Variants in PDILT observed in about 807,000 individuals in gnomAD.
PDILT encodes the protein protein disulfide isomerase like, testis expressed, also known as protein disulfide-isomerase-like protein of the testis.
A neutral mutation model predicts 53.7 loss-of-function variants in PDILT; 43 were observed. The observed-to-expected ratio is 0.80, with a 90% CI of 0.63 to 1.03. The LOEUF is 1.03. PDILT is among the 50% of genes least tolerant of loss of function. The probability of loss-of-function intolerance (pLI) is 0.00; values close to 1 mark genes in which losing one functional copy is unlikely to be tolerated. For missense variants in PDILT, 727 were observed against 712.3 expected, an observed-to-expected ratio of 1.02 and a Z score of -0.24; for synonymous variants, 282 against 274.2, an observed-to-expected ratio of 1.03 and a Z score of -0.28.
chr16:20,403,170 A>T (rs1199022700), intron 1 of PDILT, among the ~76,000 whole-genome samples: 2 of 152,200 alleles, frequency 1.3e-5, no homozygotes, highest in African/African-American at 2.4e-5. Context: ...CCCATGTCCC[A>T]GCCACTGTGG....
chr16:20,397,874 T>C (rs1966682275), intron 2 of PDILT, among the ~76,000 whole-genome samples: 1 of 152,150 alleles, frequency 6.6e-6, no homozygotes, highest in African/African-American at 2.4e-5. Context: ...CCTTAGGGAC[T>C]GACACGGAGC....
chr16:20,382,739 T>C (rs1248871567), intron 3 of PDILT, among the ~76,000 whole-genome samples: 5 of 152,064 alleles, frequency 3.3e-5, no homozygotes, highest in African/African-American at 1.2e-4. Context: ...TGTAGAGGGG[T>C]AGATCTTTTC....
intron 2 of PDILT, among the ~76,000 whole-genome samples, chr16:20,391,418 C>G (rs918806155): frequency 6.6e-6 from 1 of 152,112 alleles, no homozygotes; most frequent in Non-Finnish European, 1.5e-5. Flanking sequence ...TCATGCTCAC[C>G]ATCATCATCT....
At chr16:20,393,792 T>C (rs1209780099) in intron 2 of PDILT, among the ~76,000 whole-genome samples, 2 of 152,184 alleles carry the variant, frequency 1.3e-5, no homozygotes, top group African/African-American at 4.8e-5. Flanking sequence ...GGCAAATTGA[T>C]AAGCATGTTC....
rs1966207188 is a variant in PDILT at position 20,366,997 on chromosome 16, T to C, written c.1117-1457A>G. 2.6e-5 allele frequency among the ~76,000 whole-genome samples: 4 copies of C among 150,952 alleles called. 1 individual carries two copies. The highest frequency in any genetic ancestry group is 2.1e-4 in the South Asian group (1 of 4,680). ...CTTCCTTCCTTCCTTCCTTTCTTTCTTTCTTTATTTATTTCTCTCTCTCTT... is the reference window on the plus strand; with the variant it reads ...CTTCCTTCCTTCCTTCCTTTCTTTCCTTCTTTATTTATTTCTCTCTCTCTT... On this transcript the variant is annotated intron_variant, in intron 8 of 11. Transcript: ENST00000302451.
chr16:20,372,534 A>G (rs1966321599), intron 7 of PDILT, among the ~76,000 whole-genome samples: 1 of 152,238 alleles, frequency 6.6e-6, no homozygotes, highest in African/African-American at 2.4e-5. Context: ...TCATGTTCTC[A>G]GAGTAGACTC....
Position 20,359,420 on chromosome 16 carries a change from C to G in PDILT, c.1654G>C (p.Ala552Pro), listed in dbSNP as rs139668298. Residue 552 changes from alanine to proline, a missense_variant, in exon 12 of 12, where the codon GCT becomes CCT. Physicochemically the swap from Ala to Pro is conservative, Grantham distance 27. Transcript: ENST00000302451. ...TCCTCAGATGTTTTCTTCTTCCCAG[C>G]GGGCTCTTCCAGCTTGGATACGTAC... ...TKYVSKLEEPAGKKKTSEEVV... is the reference protein window; with the variant it reads ...TKYVSKLEEPPGKKKTSEEVV... 29 of 1,614,178 alleles carry G rather than the reference C, an allele frequency of 1.8e-5. No individual in the cohort carries two copies. The highest frequency in any genetic ancestry group is 2.4e-5 in the Non-Finnish European group (28 of 1,180,032).
chr16:20,385,088 G>A (rs1966517548), intron 2 of PDILT, among the ~76,000 whole-genome samples: 1 of 152,184 alleles, frequency 6.6e-6, no homozygotes, highest in Non-Finnish European at 1.5e-5. Flanking sequence ...ACAACCATGG[G>A]CAACTTTACT....
intron 1 of PDILT, among the ~76,000 whole-genome samples, chr16:20,400,914 C>A (rs574279637): frequency 3.0e-4 from 46 of 152,230 alleles, no homozygotes; most frequent in African/African-American, 1.1e-3. Context: ...AGACAGTGTG[C>A]GAATTACCCT....
At chr16:20,368,998 G>A (rs1033341725) in intron 8 of PDILT, among the ~76,000 whole-genome samples, 1 of 152,200 alleles carries the variant, frequency 6.6e-6, no homozygotes, top group Non-Finnish European at 1.5e-5. Context: ...CGTGTTCCAT[G>A]TGTTTCTGCA....
At chr16:20,374,723 A>C (rs1768203161) in intron 5 of PDILT, 99 bp downstream of exon 5, 2 of 1,335,764 alleles carry the variant, frequency 1.5e-6, no homozygotes, top group South Asian at 2.9e-5. Context: ...AATGCCACTG[A>C]GTTCACAAGT....
At chr16:20,365,809 G>A (rs1398560445) in intron 8 of PDILT, among the ~76,000 whole-genome samples, 7 of 151,244 alleles carry the variant, frequency 4.6e-5, no homozygotes, top group Admixed American at 2.0e-4. Flanking sequence ...TAAGCCGGGC[G>A]CGGTGGCTCA....
In PDILT at chr16:20,384,629, A is replaced by T. The variant is rs1322395036; in HGVS notation, c.409+16T>A. 2.5e-6 allele frequency: 4 copies of T among 1,613,786 alleles called. No individual in the cohort carries two copies. The highest frequency in any genetic ancestry group is 3.4e-6 in the Non-Finnish European group (4 of 1,179,990). On this transcript the variant is annotated intron_variant, in intron 3 of 11. Transcript: ENST00000302451. ...TCCATGAGCATGAAACAAGTGTGAC[A>T]CACAAGCACCATTACCTTTGCAGCT... is the stretch of plus-strand genomic sequence containing the variant.
Position 20,384,708 on chromosome 16 carries a change from T to C in PDILT, c.346A>G (p.Thr116Ala). ...AACAGCTTCAACTCCGGGGCCTTGGTAATCCCAAACTCCTGCTGAAGCTCC... is the reference window on the plus strand; with the variant it reads ...AACAGCTTCAACTCCGGGGCCTTGGCAATCCCAAACTCCTGCTGAAGCTCC... ...EKELQQEFGI[T>A]KAPELKLFFE... The change falls in exon 3 of 12, where the codon ACC becomes GCC. Residue 116 changes from threonine to alanine, a missense_variant. Physicochemically the swap from Thr to Ala is moderately conservative, Grantham distance 58. Coordinates refer to ENST00000302451, the MANE Select transcript of PDILT (RefSeq NM_174924.2). 1.2e-6 allele frequency: 2 copies of C among 1,614,218 alleles called. No individual in the cohort carries two copies. The highest frequency in any genetic ancestry group is 1.7e-6 in the Non-Finnish European group (2 of 1,180,032).
At chr16:20,372,955 C>T (rs1402434360) in intron 6 of PDILT, 28 bp from the exon 7 acceptor site, 1 of 1,613,710 alleles carries the variant, frequency 6.2e-7, no homozygotes, top group East Asian at 2.2e-5. Flanking sequence ...ATATGTCATC[C>T]CAAGCACACA....
chr16:20,403,456 AT>A (rs1240092048), intron 1 of PDILT, among the ~76,000 whole-genome samples: 2 of 151,906 alleles, frequency 1.3e-5, no homozygotes, highest in South Asian at 2.1e-4. Context: ...TGCCCGGCTA[AT>A]TTTTGTATTT....
chr16:20,385,742 TAAAC>T (rs1255910649), intron 2 of PDILT, among the ~76,000 whole-genome samples: 2 of 152,034 alleles, frequency 1.3e-5, no homozygotes, highest in East Asian at 1.9e-4. Flanking sequence ...GCTATTGAAA[TAAAC>T]AAAAACAAAC....
chr16:20,359,449 G>C lies in PDILT; in HGVS notation c.1625C>G (p.Thr542Ser). The C allele has an allele frequency of 6.2e-7, 1 of 1,614,054 alleles. No individual in the cohort carries two copies. ...EQQSPELENM[T>S]KYVSKLEEPA... Reference sequence around the variant, plus strand: ...CTCTTCCAGCTTGGATACGTACTTGGTCATGTTCTCCAGCTCAGGCGACTG... The same window carrying C: ...CTCTTCCAGCTTGGATACGTACTTGCTCATGTTCTCCAGCTCAGGCGACTG... The change falls in exon 12 of 12, where the codon ACC (threonine) becomes AGC (serine). Residue 542 changes from threonine (T) to serine (S), a missense_variant. Coordinates refer to ENST00000302451, the MANE Select transcript of PDILT (RefSeq NM_174924.2).
chr16:20,396,194 A>G (rs1966660808), intron 2 of PDILT, among the ~76,000 whole-genome samples: 1 of 152,188 alleles, frequency 6.6e-6, no homozygotes, highest in African/African-American at 2.4e-5. Context: ...ACCACTTTCA[A>G]TATTCTCGCT....
Sources: gnomAD v4.1 joint callset for allele counts (sites outside exome capture counted in the v4.1 genomes callset) on GRCh38, gnomAD v4.1.1 for gene constraint, MANE v1.5 for transcripts, NCBI Gene and HGNC (gene_info 2026-07-23, HGNC 2026-07-21) for gene names.